The following DOP1A variants were observed in gnomAD, a reference collection of about 807,000 sequenced individuals.
DOP1A encodes the protein DOP1 leucine zipper like protein A, also known as protein DOP1A.
DOP1A carries 90 observed loss-of-function variants against 267.6 expected under a neutral mutation model. The observed-to-expected ratio is 0.34, with a 90% CI of 0.28 to 0.40. The LOEUF is 0.40. Ranked by LOEUF, DOP1A falls within the 10% of genes least tolerant of loss-of-function variation. The pLI is 1.00. For synonymous variants in DOP1A, 932 were observed against 999.1 expected, an observed-to-expected ratio of 0.93 and a Z score of 1.27; for missense variants, 2,437 against 2,900.4, an observed-to-expected ratio of 0.84 and a Z score of 3.67.
Position 83,154,131 on chromosome 6 carries a change from C to CT in DOP1A, c.6390-46dup, listed in dbSNP as rs1782263000. On this transcript the variant is annotated intron_variant, in intron 32 of 38. Coordinates refer to ENST00000349129, the MANE Select transcript of DOP1A (RefSeq NM_015018.4). ...TCCCCTGGAAAGTTAGAATACTGTT[C>CT]TTTAACAGTAACAACATAATTACAT... 7 of 1,604,124 alleles carry CT rather than the reference C, an allele frequency of 4.4e-6. No individual in the cohort carries two copies. In the East Asian group the frequency reaches 1.6e-4, roughly 36 times the overall value.
intron 26 of DOP1A, among the ~76,000 whole-genome samples, chr6:83,148,483 C>T (rs1481689538): frequency 6.6e-6 from 1 of 151,420 alleles, no homozygotes; most frequent in Non-Finnish European, 1.5e-5. Context: ...GCCCATAATC[C>T]CAACACTTTG....
At chr6:83,166,321 C>T (rs752035019) in intron 38 of DOP1A, 66 of 657,048 alleles carry the variant, frequency 1.0e-4, no homozygotes, top group Non-Finnish European at 1.5e-4. Flanking sequence ...TATCAATTTC[C>T]GATGACTGGC....
At chr6:83,140,778 A>G (rs1045741328) in intron 23 of DOP1A, among the ~76,000 whole-genome samples, 1 of 152,214 alleles carries the variant, frequency 6.6e-6, no homozygotes, top group Non-Finnish European at 1.5e-5. Flanking sequence ...GTTCATATAA[A>G]TGGAATGATA....
intron 37 of DOP1A, 87 bp from the exon 38 acceptor site, chr6:83,162,703 C>A (rs989200693): frequency 1.4e-6 from 2 of 1,418,648 alleles, no homozygotes; most frequent in South Asian, 1.7e-5. Context: ...GCAGTGGGGT[C>A]ATGATCTTTC....
chr6:83,102,346 G>T (rs1772743583), intron 4 of DOP1A, among the ~76,000 whole-genome samples: 1 of 152,160 alleles, frequency 6.6e-6, no homozygotes, highest in South Asian at 2.1e-4. Flanking sequence ...AGAAGAGATG[G>T]CAGGGTCAAA....
chr6:83,163,899 T>C (rs1394824113), intron 38 of DOP1A, among the ~76,000 whole-genome samples: 3 of 151,778 alleles, frequency 2.0e-5, no homozygotes, highest in Non-Finnish European at 4.4e-5. Flanking sequence ...TGTAAAATAT[T>C]GTCTTATATA....
At chr6:83,159,648 G>A in intron 36 of DOP1A, 148 bp from the exon 37 acceptor site, 1 of 859,106 alleles carries the variant, frequency 1.2e-6, no homozygotes, top group South Asian at 1.7e-5. Flanking sequence ...TGAAAACAGT[G>A]ACATTTCATC....
At chr6:83,136,005 C>A in intron 20 of DOP1A, 127 bp downstream of exon 20, 1 of 1,099,216 alleles carries the variant, frequency 9.1e-7, no homozygotes, top group Non-Finnish European at 1.3e-6. Flanking sequence ...TTCTCCCCTC[C>A]TCATGCACTA....
Position 83,098,446 on chromosome 6 carries a change from G to A in DOP1A, c.138+1331G>A, listed in dbSNP as rs113333636. On this transcript the variant is annotated intron_variant, in intron 3 of 38. Coordinates refer to ENST00000349129, the MANE Select transcript of DOP1A (RefSeq NM_015018.4). ...GATAGTATCAGATCCCACAGGTTGA[G>A]GGCTGAGCCTCATAAGACTGTCCTC... Among the ~76,000 whole-genome samples the A allele has an allele frequency of 8.8e-3, 1,340 of 152,284 alleles. 17 individuals are homozygous for A. Among genetic ancestry groups the A allele is most frequent in the African/African-American group, 0.031 (1,273 of 41,548 alleles).
intron 1 of DOP1A, among the ~76,000 whole-genome samples, chr6:83,079,381 C>T (rs972355780): frequency 2.0e-5 from 3 of 151,810 alleles, no homozygotes; most frequent in African/African-American, 7.3e-5. Context: ...GTTAAAATTC[C>T]ATGGGATTTT....
Position 83,168,331 on chromosome 6 carries a change from C to G in DOP1A, c.*164C>G. 7.1e-7 allele frequency: 1 copy of G among 1,416,756 alleles called. No homozygotes were observed. The highest frequency in any genetic ancestry group is 2.6e-5 in the East Asian group (1 of 38,908). The allele number at this position is 1,416,756 out of a possible 1,614,324, so 87.8% of individuals were successfully genotyped here. A position where few individuals can be genotyped will look rare whatever the true frequency, so the allele number is the denominator to read the frequency against. On this transcript the variant is annotated 3_prime_UTR_variant, in exon 39 of 39. Coordinates refer to ENST00000349129, the MANE Select transcript of DOP1A (RefSeq NM_015018.4). Reference sequence around the variant, plus strand: ...ATAAGAGCAAATGTCTGAATGTGGCCTGAATCAAGTTTAAATATTGTTGGC... The same window carrying G: ...ATAAGAGCAAATGTCTGAATGTGGCGTGAATCAAGTTTAAATATTGTTGGC...
chr6:83,070,411 T>C (rs999782947), intron 1 of DOP1A, among the ~76,000 whole-genome samples: 7 of 152,202 alleles, frequency 4.6e-5, no homozygotes, highest in African/African-American at 1.7e-4. Flanking sequence ...TGACCTTTCA[T>C]TGCATTGGTC....
At position 83,110,308 on chromosome 6, in the gene DOP1A, G is replaced by A. The variant is rs1774329814; in HGVS notation, c.675G>A (p.Glu225=). ...DQLYIIGSDI[E]LMVEAVSTSV... ...TTTATATAATTGGCAGTGATATTGA[G>A]CTAATGGTAGGTCTAAAAATATGGT... Residue 225 remains glutamate (E), a synonymous_variant, in exon 6 of 39, where the codon GAG becomes GAA. Coordinates refer to ENST00000349129, the MANE Select transcript of DOP1A (RefSeq NM_015018.4). The A allele has an allele frequency of 6.2e-7, 1 of 1,612,836 alleles. No individual in the cohort carries two copies. Among genetic ancestry groups the A allele is most frequent in the Non-Finnish European group, 8.5e-7 (1 of 1,179,478 alleles).
chr6:83,132,171 T>A lies in DOP1A; in HGVS notation c.2617-5T>A. ...GTGACTGTCACTTTTACATCTTTTTTATAGCATGTAGCTTTAACATTGTGG... is the reference window on the plus strand; with the variant it reads ...GTGACTGTCACTTTTACATCTTTTTAATAGCATGTAGCTTTAACATTGTGG... On this transcript the variant is annotated splice_region_variant and splice_polypyrimidine_tract_variant and intron_variant, in intron 17 of 38. Coordinates refer to ENST00000349129, the MANE Select transcript of DOP1A (RefSeq NM_015018.4). 6.2e-7 allele frequency: 1 copy of A among 1,601,854 alleles called. No individual in the cohort carries two copies. The highest frequency in any genetic ancestry group is 8.5e-7 in the Non-Finnish European group (1 of 1,170,322).
chr6:83,135,667 T>C lies in DOP1A; in HGVS notation c.2919T>C (p.Thr973=). ...LDSLNSLDGS[T]SSVGQAWLNQ... ...GCCTTAACAGTCTCGATGGTTCTAC[T>C]AGCTCTGTGGGACAAGCCTGGCTGA... Residue 973 remains threonine (T), a synonymous_variant, in exon 20 of 39, where the codon ACT becomes ACC. Transcript: ENST00000349129. 1 of 1,613,720 alleles carries C rather than the reference T, an allele frequency of 6.2e-7. No individual in the cohort carries two copies. Among genetic ancestry groups the C allele is most frequent in the Non-Finnish European group, 8.5e-7 (1 of 1,179,680 alleles).
chr6:83,138,743 C>T lies in DOP1A; in HGVS notation c.4701C>T (p.Phe1567=), dbSNP rs1455186014. The change falls in exon 21 of 39, where the codon TTC becomes TTT. Residue 1567 remains phenylalanine, a synonymous_variant. Coordinates refer to ENST00000349129, the MANE Select transcript of DOP1A (RefSeq NM_015018.4). ...EGFSEDSLIN[F]SEDEFDNGST... is the part of the protein sequence containing the mutation. ...TCTCAGAGGACAGCCTTATTAATTTCTCAGAGGATGAATTTGACAATGGCA... is the reference window on the plus strand; with the variant it reads ...TCTCAGAGGACAGCCTTATTAATTTTTCAGAGGATGAATTTGACAATGGCA... The T allele has an allele frequency of 6.2e-7, 1 of 1,613,888 alleles. No homozygotes were observed. Among genetic ancestry groups the T allele is most frequent in the East Asian group, 2.2e-5 (1 of 44,890 alleles).
chr6:83,141,122 A>G (rs1054376617), intron 23 of DOP1A, among the ~76,000 whole-genome samples: 2 of 152,172 alleles, frequency 1.3e-5, no homozygotes, highest in African/African-American at 2.4e-5. Context: ...TATCCTTTCA[A>G]TGTTTCATTA....
chr6:83,168,086 C>T lies in DOP1A; in HGVS notation c.7317C>T (p.His2439=). Residue 2439 remains histidine, a synonymous_variant, in exon 39 of 39, where the codon CAC becomes CAT. Transcript: ENST00000349129. ...FPNKDMKLEN[H]KPCSSKARQK... is the part of the protein sequence containing the mutation. ...ATAAGGACATGAAACTGGAGAACCA[C>T]AAACCATGTTCCAGCAAAGCCAGGC... The T allele has an allele frequency of 2.5e-6, 4 of 1,614,160 alleles. No homozygotes were observed. The highest frequency in any genetic ancestry group is 3.4e-6 in the Non-Finnish European group (4 of 1,180,032).
chr6:83,143,165 C>A (rs934357705), intron 24 of DOP1A, among the ~76,000 whole-genome samples: 3 of 152,140 alleles, frequency 2.0e-5, no homozygotes, highest in African/African-American at 7.2e-5. Flanking sequence ...TAGCTATAAT[C>A]CCAGCACTTT....
Sources: allele counts gnomAD v4.1 joint callset (sites outside exome capture counted in the v4.1 genomes callset), GRCh38; gene constraint gnomAD v4.1.1; transcripts MANE v1.5; gene names NCBI Gene and HGNC (gene_info 2026-07-23, HGNC 2026-07-21).